Variants in ZNF114 observed in about 807,000 individuals in gnomAD.
The protein encoded by ZNF114 is zinc finger protein 114, also known as zinc finger protein 114 (Y18).
In ZNF114, 8 loss-of-function variants were observed where a neutral mutation model predicts 6.8. The observed-to-expected ratio is 1.18, with a 90% confidence interval of 0.69 to 2.13. The LOEUF (loss-of-function observed/expected upper bound fraction) is 2.13, where lower values mean the gene tolerates loss of function less well. Among genes scored for constraint, ZNF114 ranks in the 30% most tolerant of loss-of-function variants. ZNF114 has a pLI of 0.00. For missense variants in ZNF114, 472 were observed against 519.5 expected (o/e 0.91, Z 0.89); for synonymous variants, 169 against 185.5 (o/e 0.91, Z 0.72).
At chr19:48,280,240 C>G (rs1193046588) in intron 4 of ZNF114, among the ~76,000 whole-genome samples, 1 of 151,830 alleles carries the variant, frequency 6.6e-6, no homozygotes, top group East Asian at 1.9e-4. Context: ...ACAAATTTGC[C>G]TGGTGTGGTG....
chr19:48,276,888 G>C (rs1182173053), intron 3 of ZNF114, among the ~76,000 whole-genome samples: 2 of 152,248 alleles, frequency 1.3e-5, no homozygotes, highest in Admixed American at 6.5e-5. Context: ...ACTGGGCGTG[G>C]TGGCTCACGC....
intron 3 of ZNF114, among the ~76,000 whole-genome samples, chr19:48,275,776 C>T (rs1042192068): frequency 2.6e-5 from 4 of 151,850 alleles, no homozygotes; most frequent in Admixed American, 6.6e-5. Context: ...AGGCAGATCA[C>T]GAGGTCAGGA....
At chr19:48,283,794 C>T (rs957793342) in intron 5 of ZNF114, among the ~76,000 whole-genome samples, 2 of 151,662 alleles carry the variant, frequency 1.3e-5, no homozygotes, top group African/African-American at 2.4e-5. Flanking sequence ...AGTGCAGTGG[C>T]GCGATCTCGG....
At position 48,286,800 on chromosome 19, in the gene ZNF114, A is replaced by G; in HGVS notation, c.1176A>G (p.Thr392=). ...HTGEKPYKCK[T]CGKDFAKSSG... ...GAGAGAAACCCTATAAATGTAAGAC[A>G]TGTGGAAAAGACTTTGCAAAGTCGT... The change falls in exon 6 of 6, where the codon ACA becomes ACG. Residue 392 remains threonine, a synonymous_variant. Transcript: ENST00000595607. The G allele has an allele frequency of 6.2e-7, 1 of 1,606,244 alleles. No homozygotes were observed. Among genetic ancestry groups the G allele is most frequent in the Non-Finnish European group, 8.5e-7 (1 of 1,178,018 alleles).
intron 3 of ZNF114, among the ~76,000 whole-genome samples, chr19:48,277,941 T>A (rs1036016076): frequency 6.6e-5 from 10 of 150,974 alleles, no homozygotes; most frequent in African/African-American, 1.9e-4. Flanking sequence ...TATTTGAAAT[T>A]TTTTTTTTTG....
chr19:48,273,918 C>T (rs888454182), intron 3 of ZNF114, among the ~76,000 whole-genome samples: 1 of 151,642 alleles, frequency 6.6e-6, no homozygotes, highest in Non-Finnish European at 1.5e-5. Context: ...CCACCACGCC[C>T]GGCTAATTTT....
chr19:48,270,747 GAAAAGAGAA>G (rs1228765601), intron 1 of ZNF114, among the ~76,000 whole-genome samples: 1 of 136,696 alleles, frequency 7.3e-6, no homozygotes, highest in Admixed American at 7.7e-5. Context: ...GGGAAAGAAA[GAAAAGAGAA>G]AAAAGAGAAA....
At chr19:48,272,300 TA>T (rs1274309997) in intron 3 of ZNF114, among the ~76,000 whole-genome samples, 1 of 151,644 alleles carries the variant, frequency 6.6e-6, no homozygotes, top group African/African-American at 2.4e-5. Context: ...TAATCCCAGC[TA>T]CTCAGGAGGC....
At chr19:48,274,725 C>G (rs568869510) in intron 3 of ZNF114, among the ~76,000 whole-genome samples, 35 of 151,802 alleles carry the variant, frequency 2.3e-4, no homozygotes, top group African/African-American at 7.2e-4. Flanking sequence ...AGGCTGACCT[C>G]GAACTCCCAA....
At chr19:48,285,647 GGAAAGAAA>G (rs140236127) in intron 5 of ZNF114, 106 bp from the exon 6 acceptor site, 280,552 of 1,187,898 alleles carry the variant, frequency 0.24, 34,413 homozygotes, top group Non-Finnish European at 0.25. Context: ...AGGGAGGGAG[GGAAAGAAA>G]GAAAGAAAGA....
At chr19:48,272,184 G>T (rs1171285856) in intron 3 of ZNF114, among the ~76,000 whole-genome samples, 3 of 152,136 alleles carry the variant, frequency 2.0e-5, no homozygotes. Flanking sequence ...GCCGAGGTGG[G>T]CGGATCACCT....
intron 4 of ZNF114, among the ~76,000 whole-genome samples, chr19:48,281,380 G>T (rs1967985855): frequency 6.6e-6 from 1 of 152,042 alleles, no homozygotes; most frequent in Admixed American, 6.6e-5. Context: ...TTACCTAGCT[G>T]CTGGTAGTCA....
intron 5 of ZNF114, among the ~76,000 whole-genome samples, chr19:48,283,797 G>C (rs180754904): frequency 1.3e-5 from 2 of 151,602 alleles, no homozygotes; most frequent in African/African-American, 4.8e-5. Context: ...GCAGTGGCGC[G>C]ATCTCGGCTC....
At chr19:48,270,419 G>T (rs1455060488) in intron 1 of ZNF114, among the ~76,000 whole-genome samples, 200 bp downstream of exon 1, 1 of 77,216 alleles carries the variant, frequency 1.3e-5, no homozygotes. Flanking sequence ...AAAAGAATAA[G>T]AAAAGGAAAA....
chr19:48,272,509 G>A (rs1967690968), intron 3 of ZNF114, among the ~76,000 whole-genome samples: 1 of 149,664 alleles, frequency 6.7e-6, no homozygotes, highest in Admixed American at 6.7e-5. Flanking sequence ...CAGGAGAATC[G>A]CTTGAACCTG....
At position 48,286,261 on chromosome 19, in the gene ZNF114, GA is replaced by G. The variant is rs746688372; in HGVS notation, c.640del (p.Ile214LeufsTer107). On this transcript the variant is annotated frameshift_variant, in exon 6 of 6. Transcript: ENST00000595607. LOFTEE classifies it low-confidence loss of function (END_TRUNC). ...SQNTVHHIRD[E>X]IDTGANRHQR... ...GAACACTGTGCATCATATACGTGAT[GA>G]AATTGATACGGGGGCCAACAGGCAC... 2.0e-5 allele frequency: 33 copies of G among 1,614,188 alleles called. No individual in the cohort carries two copies. Among genetic ancestry groups the G allele is most frequent in the Non-Finnish European group, 2.8e-5 (33 of 1,180,044 alleles).
At chr19:48,270,665 AAG>A (rs1967631638) in intron 1 of ZNF114, among the ~76,000 whole-genome samples, 1 of 97,646 alleles carries the variant, frequency 1.0e-5, no homozygotes, top group Non-Finnish European at 2.4e-5. Flanking sequence ...AAAAAGAAGA[AAG>A]AAAGAGAAAA....
At position 48,286,208 on chromosome 19, in the gene ZNF114, T is replaced by G. The variant is rs140386911; in HGVS notation, c.584T>G (p.Leu195Arg). ...GTTCCGTGTGGGAGAAAAACAGAGC[T>G]GAAATCAAGCACATGGACTGGCAGT... ...QWVPCGRKTE[L>R]KSSTWTGSQN... is the part of the protein sequence containing the mutation. Residue 195 changes from leucine to arginine, a missense_variant, in exon 6 of 6, where the codon CTG (leucine) becomes CGG (arginine). By Grantham distance (102) the Leu-to-Arg change is moderately radical. Coordinates refer to ENST00000595607, the MANE Select transcript of ZNF114 (RefSeq NM_153608.4). 35 of 1,614,016 alleles carry G rather than the reference T, an allele frequency of 2.2e-5. No homozygotes were observed. In the African/African-American group the frequency reaches 2.8e-4, roughly 13 times the overall value.
chr19:48,286,708 G>A lies in ZNF114; in HGVS notation c.1084G>A (p.Glu362Lys). Reference protein sequence around the residue: ...RKHVVQKKPYECEECGKVIRE... With the variant: ...RKHVVQKKPYKCEECGKVIRE... Reference sequence around the variant, plus strand: ...GCATGTTGTGCAGAAGAAGCCCTACGAATGTGAAGAATGTGGGAAAGTCAT... The same window carrying A: ...GCATGTTGTGCAGAAGAAGCCCTACAAATGTGAAGAATGTGGGAAAGTCAT... Residue 362 changes from glutamate (E) to lysine (K), a missense_variant, in exon 6 of 6, where the codon GAA becomes AAA. Transcript: ENST00000595607. 4 of 1,613,502 alleles carry A rather than the reference G, an allele frequency of 2.5e-6. No homozygotes were observed. The highest frequency in any genetic ancestry group is 3.4e-6 in the Non-Finnish European group (4 of 1,179,902).
Sources: allele counts gnomAD v4.1 joint callset (sites outside exome capture counted in the v4.1 genomes callset), GRCh38; gene constraint gnomAD v4.1.1; transcripts MANE v1.5; gene names NCBI Gene and HGNC (gene_info 2026-07-23, HGNC 2026-07-21).